Variants in DIP2B observed in about 807,000 individuals in gnomAD.
DIP2B encodes disco-interacting protein 2 homolog B.
In DIP2B, 76 loss-of-function variants were observed where a neutral mutation model predicts 198.0. That is an observed-to-expected ratio of 0.38 (90% CI 0.32 to 0.46). The LOEUF (loss-of-function observed/expected upper bound fraction) is 0.46. Among genes scored for constraint, DIP2B ranks in the 20% least tolerant of loss-of-function variants. The pLI is 0.99. For synonymous variants in DIP2B, 701 were observed against 739.1 expected, an observed-to-expected ratio of 0.95 and a Z score of 0.84; for missense variants, 1,559 against 1,978.4, an observed-to-expected ratio of 0.79 and a Z score of 4.02.
At chr12:50,648,869 A>C (rs1207736075) in intron 3 of DIP2B, among the ~76,000 whole-genome samples, 1 of 152,176 alleles carries the variant, frequency 6.6e-6, no homozygotes, top group Admixed American at 6.5e-5. Flanking sequence ...TTTATCTAGA[A>C]AACTCGAGAG....
Position 50,744,831 on chromosome 12 carries a change from A to G in DIP2B, c.4723A>G (p.Asn1575Asp). The G allele has an allele frequency of 6.2e-7, 1 of 1,614,160 alleles. No homozygotes were observed. The highest frequency in any genetic ancestry group is 8.5e-7 in the Non-Finnish European group (1 of 1,179,992). ...DQLDPIYVAY[N>D]M The stretch of plus-strand genomic sequence containing the variant: ...GTTAGACCCCATCTACGTGGCTTAT[A>G]ACATGTAACCAGCCTTGTGGGGACT... Residue 1575 changes from asparagine (N) to aspartate (D), a missense_variant, in exon 38 of 38, where the codon AAC (asparagine) becomes GAC (aspartate). Coordinates refer to ENST00000301180, the MANE Select transcript of DIP2B (RefSeq NM_173602.3).
intron 1 of DIP2B, among the ~76,000 whole-genome samples, chr12:50,599,582 C>T (rs1958918283): frequency 6.6e-6 from 1 of 152,078 alleles, no homozygotes; most frequent in Admixed American, 6.5e-5. Flanking sequence ...CGCCATTGCA[C>T]TCCAGCCTGG....
At chr12:50,697,321 A>G (rs541510650) in intron 17 of DIP2B, 146 bp downstream of exon 17, 4 of 681,650 alleles carry the variant, frequency 5.9e-6, no homozygotes, top group South Asian at 2.1e-5. Flanking sequence ...CTCAAAGTGT[A>G]TGCAGTAAAC....
chr12:50,532,996 A>G (rs1475572130), intron 1 of DIP2B, among the ~76,000 whole-genome samples: 1 of 152,208 alleles, frequency 6.6e-6, no homozygotes, highest in African/African-American at 2.4e-5. Context: ...CTGCTTTCCC[A>G]ACTTTTACAA....
chr12:50,588,141 TTTTTTCTTTTTCTTTTTC>T (rs919917648), intron 1 of DIP2B, among the ~76,000 whole-genome samples: 1 of 151,806 alleles, frequency 6.6e-6, no homozygotes, highest in African/African-American at 2.4e-5. Context: ...CTTTTCTTTT[TTTTTTCTTTTTCTTTTTC>T]TTTTTCTTTT....
chr12:50,717,466 C>T (rs1051763076), intron 23 of DIP2B, among the ~76,000 whole-genome samples: 5 of 149,786 alleles, frequency 3.3e-5, no homozygotes, highest in Admixed American at 1.3e-4. Flanking sequence ...CCTGGGTTGA[C>T]GCCATTCTCC....
At chr12:50,706,696 CT>C (rs1436415848) in intron 21 of DIP2B, 31 bp downstream of exon 21, 5 of 1,609,782 alleles carry the variant, frequency 3.1e-6, no homozygotes, top group East Asian at 2.2e-5. Context: ...ATGTTAGCAC[CT>C]TTTAATGGAA....
chr12:50,652,709 G>T (rs2139502337), intron 3 of DIP2B, among the ~76,000 whole-genome samples: 1 of 152,146 alleles, frequency 6.6e-6, no homozygotes, highest in Non-Finnish European at 1.5e-5. Flanking sequence ...AAATGCTTTG[G>T]ACAGTAACGA....
intron 1 of DIP2B, among the ~76,000 whole-genome samples, chr12:50,614,700 G>A (rs1011518180): frequency 6.6e-6 from 1 of 152,106 alleles, no homozygotes; most frequent in Non-Finnish European, 1.5e-5. Flanking sequence ...AAAATGGGGA[G>A]GAAAACCTAA....
intron 1 of DIP2B, among the ~76,000 whole-genome samples, chr12:50,545,500 C>T (rs931690081): frequency 1.3e-5 from 2 of 151,480 alleles, no homozygotes; most frequent in South Asian, 2.1e-4. Context: ...CCCAGCCTCC[C>T]GAGTAGCTGG....
chr12:50,671,067 A>G (rs1938843878), intron 4 of DIP2B, 119 bp from the exon 5 acceptor site: 1 of 931,562 alleles, frequency 1.1e-6, no homozygotes, highest in Admixed American at 2.6e-5. Context: ...ATATTAATCT[A>G]CCTTAAGAAT....
intron 22 of DIP2B, among the ~76,000 whole-genome samples, chr12:50,708,879 T>G (rs1939561925): frequency 6.6e-6 from 1 of 152,248 alleles, no homozygotes; most frequent in Non-Finnish European, 1.5e-5. Flanking sequence ...AATCCACTTG[T>G]CAACAGTCAG....
At chr12:50,640,936 G>GTTT in intron 3 of DIP2B, 84 bp downstream of exon 3, 1 of 1,149,132 alleles carries the variant, frequency 8.7e-7, no homozygotes, top group Non-Finnish European at 1.2e-6. Flanking sequence ...TCTAATACTT[G>GTTT]TCTTTTTTTT....
At chr12:50,723,386 G>T in intron 27 of DIP2B, 63 bp downstream of exon 27, 1 of 1,587,038 alleles carries the variant, frequency 6.3e-7, no homozygotes. Context: ...GACAACTAAG[G>T]ATCCTTACTA....
chr12:50,604,763 TG>T (rs1330469474), intron 1 of DIP2B, among the ~76,000 whole-genome samples: 1 of 152,200 alleles, frequency 6.6e-6, no homozygotes, highest in African/African-American at 2.4e-5. Flanking sequence ...TGTTGACAGA[TG>T]AAGCGATATG....
chr12:50,717,896 C>CTA (rs772077911), intron 23 of DIP2B, among the ~76,000 whole-genome samples: 1 of 87,056 alleles, frequency 1.1e-5, no homozygotes, highest in Non-Finnish European at 2.1e-5. Context: ...CCATTATTCA[C>CTA]TTTTTTTTTT....
intron 1 of DIP2B, among the ~76,000 whole-genome samples, chr12:50,587,790 C>T (rs920026450): frequency 6.6e-6 from 1 of 152,214 alleles, no homozygotes; most frequent in Non-Finnish European, 1.5e-5. Flanking sequence ...CCACTCTTCC[C>T]ACTGGTTCTT....
intron 1 of DIP2B, among the ~76,000 whole-genome samples, chr12:50,505,656 C>T (rs181327562): frequency 1.3e-5 from 2 of 148,258 alleles, no homozygotes; most frequent in South Asian, 4.1e-4. Context: ...TTGTTCCAGC[C>T]CCCCCTTCCC....
Position 50,691,150 on chromosome 12 carries a change from A to G in DIP2B, c.1653A>G (p.Glu551=). Residue 551 remains glutamate (E), a splice_region_variant and synonymous_variant, in exon 13 of 38, where the codon GAA becomes GAG. Transcript: ENST00000301180. ...TGTCGCAGGCCTGCAATTATTCTGAAGGTCAGACCTCATCCCATGACTGCC... is the reference window on the plus strand; with the variant it reads ...TGTCGCAGGCCTGCAATTATTCTGAGGGTCAGACCTCATCCCATGACTGCC... ...QALSQACNYS[E]GETIVNVLDF... 5 of 1,613,924 alleles carry G rather than the reference A, an allele frequency of 3.1e-6. No homozygotes were observed. Among genetic ancestry groups the G allele is most frequent in the Non-Finnish European group, 4.2e-6 (5 of 1,179,872 alleles).
Sources: gnomAD v4.1 joint callset for allele counts (sites outside exome capture counted in the v4.1 genomes callset) on GRCh38, gnomAD v4.1.1 for gene constraint, MANE v1.5 for transcripts, NCBI Gene and HGNC (gene_info 2026-07-23, HGNC 2026-07-21) for gene names.